SND1: variants seen among roughly 807,000 people sequenced by gnomAD.
SND1 encodes the protein staphylococcal nuclease domain-containing protein 1.
Under a neutral mutation model 121.7 loss-of-function variants are expected in SND1, and 38 were observed. The observed-to-expected ratio is 0.31, with a 90% CI of 0.24 to 0.41. SND1 has a LOEUF of 0.41. Among genes scored for constraint, SND1 ranks in the 10% least tolerant of loss-of-function variants. The probability of loss-of-function intolerance (pLI) is 1.00; values close to 1 mark genes in which losing one functional copy is unlikely to be tolerated. For missense variants in SND1, 868 were observed against 1,184.6 expected (o/e 0.73, Z 3.92); for synonymous variants, 401 against 447.4 (o/e 0.90, Z 1.31).
chr7:127,725,432 G>A (rs1344748778), intron 10 of SND1, among the ~76,000 whole-genome samples: 1 of 152,182 alleles, frequency 6.6e-6, no homozygotes, highest in Non-Finnish European at 1.5e-5. Context: ...TGTCCGCTTT[G>A]CCAGGTACCC....
At chr7:127,845,220 CT>C (rs781354555) in intron 12 of SND1, among the ~76,000 whole-genome samples, 21 of 152,254 alleles carry the variant, frequency 1.4e-4, no homozygotes, top group Non-Finnish European at 2.5e-4. Context: ...GGAGAAGTAC[CT>C]CCAAGCTATT....
chr7:127,943,084 G>A (rs150587604), intron 15 of SND1, among the ~76,000 whole-genome samples: 17 of 152,282 alleles, frequency 1.1e-4, no homozygotes, highest in African/African-American at 4.1e-4. Context: ...TGAGTGCTGG[G>A]TGGTTGGTAG....
At chr7:127,709,064 G>A (rs1796254492) in intron 9 of SND1, among the ~76,000 whole-genome samples, 1 of 152,134 alleles carries the variant, frequency 6.6e-6, no homozygotes, top group Non-Finnish European at 1.5e-5. Context: ...GTGATGTCCA[G>A]GCAGCTGTGA....
At chr7:127,713,080 A>G (rs1251143019) in intron 9 of SND1, among the ~76,000 whole-genome samples, 1 of 152,272 alleles carries the variant, frequency 6.6e-6, no homozygotes, top group East Asian at 1.9e-4. Flanking sequence ...GGGATTGGAC[A>G]GCTTTTTCTT....
Position 128,035,752 on chromosome 7 carries a change from A to C in SND1, c.1780-38750A>C, listed in dbSNP as rs116360411. Among the ~76,000 whole-genome samples, 632 of 152,316 alleles carry C rather than the reference A, an allele frequency of 4.1e-3. 8 individuals carry two copies. Among genetic ancestry groups the C allele is most frequent in the African/African-American group, 0.015 (607 of 41,558 alleles). ...AGAGTCTTCAATAGCACCAGTCTGC[A>C]CTTCCTAGTGACTTTGGGTCGCCAA... is the stretch of plus-strand genomic sequence containing the variant. On this transcript the variant is annotated intron_variant, in intron 16 of 23. Coordinates refer to ENST00000354725, the MANE Select transcript of SND1 (RefSeq NM_014390.4).
intron 14 of SND1, 117 bp from the exon 15 acceptor site, chr7:127,929,071 G>GTC: frequency 1.0e-6 from 1 of 955,328 alleles, no homozygotes; most frequent in Non-Finnish European, 1.6e-6. Context: ...TTTCAGAAAT[G>GTC]TCTATAAATA....
At chr7:127,912,134 A>G (rs1189170913) in intron 14 of SND1, among the ~76,000 whole-genome samples, 4 of 152,160 alleles carry the variant, frequency 2.6e-5, no homozygotes, top group Non-Finnish European at 4.4e-5. Context: ...TTCTTTGTTC[A>G]TATGACAAAG....
chr7:127,971,481 A>G (rs1318953230), intron 15 of SND1, among the ~76,000 whole-genome samples: 2 of 152,334 alleles, frequency 1.3e-5, no homozygotes, highest in Admixed American at 1.3e-4. Flanking sequence ...CACATAGATC[A>G]GTTGTTGGTG....
chr7:127,967,281 C>G (rs190754172), intron 15 of SND1, among the ~76,000 whole-genome samples: 4 of 152,158 alleles, frequency 2.6e-5, no homozygotes, highest in Admixed American at 2.6e-4. Context: ...TATTTATTGA[C>G]ATGGAATCCA....
intron 2 of SND1, among the ~76,000 whole-genome samples, chr7:127,687,382 G>A (rs963073195): frequency 1.3e-5 from 2 of 152,170 alleles, no homozygotes; most frequent in African/African-American, 4.8e-5. Flanking sequence ...ATTGTGTAAT[G>A]TTGGGGATTG....
At chr7:127,794,610 G>A (rs7802695) in intron 10 of SND1, among the ~76,000 whole-genome samples, 12,842 of 152,250 alleles carry the variant, frequency 0.084, 582 homozygotes, top group South Asian at 0.17. Flanking sequence ...GAGAAAATTG[G>A]TTTCCTGTTG....
chr7:127,862,260 G>A (rs927190573), intron 12 of SND1, among the ~76,000 whole-genome samples: 1 of 152,172 alleles, frequency 6.6e-6, no homozygotes, highest in African/African-American at 2.4e-5. Context: ...AGTGTTAACA[G>A]CACCCTACCC....
intron 12 of SND1, among the ~76,000 whole-genome samples, chr7:127,866,160 C>T (rs1799471228): frequency 6.6e-6 from 1 of 152,138 alleles, no homozygotes; most frequent in Admixed American, 6.5e-5. Flanking sequence ...TTCATATCGG[C>T]CAGACATACT....
intron 15 of SND1, among the ~76,000 whole-genome samples, chr7:127,979,130 C>T (rs1802199012): frequency 6.6e-6 from 1 of 152,212 alleles, no homozygotes; most frequent in Admixed American, 6.5e-5. Context: ...AACTCTAGCC[C>T]TGTACTATGA....
intron 10 of SND1, among the ~76,000 whole-genome samples, chr7:127,760,391 T>C (rs1369108637): frequency 6.6e-6 from 1 of 152,182 alleles, no homozygotes. Context: ...GACTTTTCAG[T>C]TGTTGCTTGG....
chr7:128,040,318 A>T (rs1562879026), intron 16 of SND1, among the ~76,000 whole-genome samples: 1 of 151,806 alleles, frequency 6.6e-6, no homozygotes, highest in East Asian at 1.9e-4. Context: ...TTGTAATCCC[A>T]GCATTTTGGG....
At chr7:127,900,501 C>G (rs1387884501) in intron 13 of SND1, among the ~76,000 whole-genome samples, 1 of 152,202 alleles carries the variant, frequency 6.6e-6, no homozygotes, top group Non-Finnish European at 1.5e-5. Context: ...TAATCTTGTG[C>G]TGAGGCCATG....
At chr7:127,768,461 C>T (rs1347300463) in intron 10 of SND1, among the ~76,000 whole-genome samples, 1 of 152,068 alleles carries the variant, frequency 6.6e-6, no homozygotes, top group Non-Finnish European at 1.5e-5. Flanking sequence ...TCAGTATAGC[C>T]GTCTGAATCA....
chr7:127,849,448 A>G (rs779962178), intron 12 of SND1, among the ~76,000 whole-genome samples: 14 of 152,328 alleles, frequency 9.2e-5, no homozygotes, highest in Non-Finnish European at 2.1e-4. Flanking sequence ...ATGTGTTCAC[A>G]TTTAGAAAGG....
Sources: gnomAD v4.1 joint callset for allele counts (sites outside exome capture counted in the v4.1 genomes callset) on GRCh38, gnomAD v4.1.1 for gene constraint, MANE v1.5 for transcripts, NCBI Gene and HGNC (gene_info 2026-07-23, HGNC 2026-07-21) for gene names.